ZNF346: variants seen among roughly 807,000 people sequenced by gnomAD.
ZNF346 encodes the protein zinc finger protein 346.
Under a neutral mutation model 33.7 loss-of-function variants are expected in ZNF346, and 23 were observed. The ratio of observed to expected loss-of-function variants is 0.68; its 90% CI spans 0.49 to 0.97. The LOEUF is 0.97. Ranked by LOEUF, ZNF346 falls within the 50% of genes least tolerant of loss-of-function variation. The probability of loss-of-function intolerance (pLI) is 0.00; values close to 1 mark genes in which losing one functional copy is unlikely to be tolerated. For synonymous variants in ZNF346, 134 were observed against 142.4 expected (o/e 0.94, Z 0.42); for missense variants, 340 against 371.1 (o/e 0.92, Z 0.69).
At chr5:177,064,484 C>A (rs752114073) in intron 6 of ZNF346, 28 bp from the exon 7 acceptor site, 20 of 1,589,202 alleles carry the variant, frequency 1.3e-5, no homozygotes, top group Non-Finnish European at 1.6e-5. Flanking sequence ...CACACTGACC[C>A]TCTTCCTTTG....
At chr5:177,039,973 G>A (rs1779120480) in intron 1 of ZNF346, among the ~76,000 whole-genome samples, 1 of 152,024 alleles carries the variant, frequency 6.6e-6, no homozygotes, top group African/African-American at 2.4e-5. Context: ...GAGGTCAGGA[G>A]ATCGAGACCA....
In ZNF346 at chr5:177,041,166, C is replaced by T; in HGVS notation, c.216C>T (p.Asn72=). 3.1e-6 allele frequency: 5 copies of T among 1,614,210 alleles called. No homozygotes were observed. In the South Asian group the frequency reaches 5.5e-5, roughly 18 times the overall value. The part of the protein sequence containing the change: ...MIQKNQCLFT[N]TQCKVCCALL... Reference sequence around the variant, plus strand: ...AGAAGAACCAATGTCTCTTCACCAACACCCAGTGTAAGGTTTGCTGCGCCT... The same window carrying T: ...AGAAGAACCAATGTCTCTTCACCAATACCCAGTGTAAGGTTTGCTGCGCCT... The change falls in exon 2 of 7, where the codon AAC becomes AAT. Residue 72 remains asparagine, a synonymous_variant. Transcript: ENST00000358149.
chr5:177,062,296 A>C (rs1235484587), intron 6 of ZNF346, 145 bp downstream of exon 6: 1 of 670,444 alleles, frequency 1.5e-6, no homozygotes, highest in African/African-American at 1.8e-5. Flanking sequence ...TAACAGGAAC[A>C]AGTGTCTCCT....
rs143189601 is a variant in ZNF346, at chr5:177,064,538, T to C, written c.824T>C (p.Leu275Pro). 7.4e-6 allele frequency: 12 copies of C among 1,614,086 alleles called. No individual in the cohort carries two copies. Among genetic ancestry groups the C allele is most frequent in the Non-Finnish European group, 1.0e-5 (12 of 1,180,022 alleles). Residue 275 changes from leucine (L) to proline (P), a missense_variant, in exon 7 of 7, where the codon CTG (leucine) becomes CCG (proline). Physicochemically the swap from Leu to Pro is moderately conservative, Grantham distance 98. Coordinates refer to ENST00000358149, the MANE Select transcript of ZNF346 (RefSeq NM_012279.4). ...NQSPKTVASS[L>P]GQIPMQRQPI... ...TCACCAAAAACAGTGGCATCATCCCTGGGCCAGATTCCAATGCAAAGGCAA... is the reference window on the plus strand; with the variant it reads ...TCACCAAAAACAGTGGCATCATCCCCGGGCCAGATTCCAATGCAAAGGCAA...
intron 1 of ZNF346, among the ~76,000 whole-genome samples, chr5:177,033,515 GT>G (rs1778025938): frequency 6.6e-6 from 1 of 151,926 alleles, no homozygotes; most frequent in Admixed American, 6.6e-5. Flanking sequence ...GTTTTGTTTT[GT>G]TTTGTTTTTG....
At chr5:177,036,724 T>C (rs889047104) in intron 1 of ZNF346, among the ~76,000 whole-genome samples, 8 of 152,182 alleles carry the variant, frequency 5.3e-5, no homozygotes, top group Non-Finnish European at 1.2e-4. Flanking sequence ...ATCAACAATA[T>C]TGCTACATGT....
intron 1 of ZNF346, among the ~76,000 whole-genome samples, chr5:177,034,226 G>C (rs1778148473): frequency 7.1e-6 from 1 of 140,276 alleles, no homozygotes; most frequent in South Asian, 2.2e-4. Flanking sequence ...TTAATTTTGA[G>C]ACAAGGTCTT....
At chr5:177,059,894 A>T (rs1782246529) in intron 5 of ZNF346, among the ~76,000 whole-genome samples, 1 of 152,228 alleles carries the variant, frequency 6.6e-6, no homozygotes, top group Admixed American at 6.5e-5. Flanking sequence ...AAACAGTTAC[A>T]ACTGTGACAA....
chr5:177,028,352 T>C (rs756186865), intron 1 of ZNF346, among the ~76,000 whole-genome samples: 7 of 151,220 alleles, frequency 4.6e-5, no homozygotes, highest in Admixed American at 1.3e-4. Context: ...TCTTGGTTAG[T>C]CTAGCTAAGA....
intron 1 of ZNF346, among the ~76,000 whole-genome samples, chr5:177,037,800 C>A (rs1456014113): frequency 2.0e-4 from 30 of 152,138 alleles, no homozygotes; most frequent in Admixed American, 1.9e-3. Flanking sequence ...CAAACCAGAT[C>A]TTGTCACCTC....
intron 5 of ZNF346, 100 bp downstream of exon 5, chr5:177,051,036 G>A (rs1188139671): frequency 6.6e-6 from 6 of 914,288 alleles, no homozygotes; most frequent in African/African-American, 3.3e-5. Flanking sequence ...GGTCTTGTAA[G>A]TAGGGTTTGC....
chr5:177,067,631 C>G lies in ZNF346; in HGVS notation c.*3032C>G, dbSNP rs1783288330. 6.6e-6 allele frequency among the ~76,000 whole-genome samples: 1 copy of G among 152,120 alleles called. No individual in the cohort carries two copies. The highest frequency in any genetic ancestry group is 1.5e-5 in the Non-Finnish European group (1 of 68,022). On this transcript the variant is annotated 3_prime_UTR_variant, in exon 7 of 7. Coordinates refer to ENST00000358149, the MANE Select transcript of ZNF346 (RefSeq NM_012279.4). The stretch of plus-strand genomic sequence containing the variant: ...GTGGCCAGCCCTGTTGGTAAAGGGA[C>G]CTAGAGATGAACACTTTCTTGCCCT...
In ZNF346 at chr5:177,040,831, TATC is replaced by T. The variant is rs143484594; in HGVS notation, c.176-292_176-290del. Reference sequence around the variant, plus strand: ...TGGGGAATGCTCCAAGCCTCATTTTTATCATATTTATTTTTATTGGTATCTGCT... The same window carrying T: ...TGGGGAATGCTCCAAGCCTCATTTTTATATTTATTTTTATTGGTATCTGCT... On this transcript the variant is annotated intron_variant, in intron 1 of 6. Coordinates refer to ENST00000358149, the MANE Select transcript of ZNF346 (RefSeq NM_012279.4). Among the ~76,000 whole-genome samples, 3 of 152,354 alleles carry T rather than the reference TATC, an allele frequency of 2.0e-5. No individual in the cohort carries two copies. The East Asian group carries it at 5.8e-4, about 29-fold the overall frequency.
rs899857159 is a variant in ZNF346 at position 177,064,830 on chromosome 5, C to T, written c.*231C>T. 1.8e-5 allele frequency: 9 copies of T among 511,244 alleles called. No individual in the cohort carries two copies. Among genetic ancestry groups the T allele is most frequent in the South Asian group, 8.5e-5 (3 of 35,388 alleles). 31.7% of individuals were successfully genotyped at this position (511,244 alleles called of 1,614,324 possible). On this transcript the variant is annotated 3_prime_UTR_variant, in exon 7 of 7. Coordinates refer to ENST00000358149, the MANE Select transcript of ZNF346 (RefSeq NM_012279.4). ...GGGGAGGCAAGGGTATTGAGAGACT[C>T]GGGGTCTCGCGGGGTGGTAGTTTGG...
intron 5 of ZNF346, chr5:177,053,021 T>G (rs952134716): frequency 1.3e-5 from 2 of 152,032 alleles, no homozygotes; most frequent in African/African-American, 2.4e-5. Flanking sequence ...CTTTTTTTTT[T>G]TTAAGAGGGT....
At chr5:177,046,225 C>T (rs574133166) in intron 4 of ZNF346, among the ~76,000 whole-genome samples, 1 of 150,452 alleles carries the variant, frequency 6.6e-6, no homozygotes, top group Non-Finnish European at 1.5e-5. Flanking sequence ...CGCTTGAACC[C>T]GGGAGCTGGA....
downstream of ZNF346, among the ~76,000 whole-genome samples, chr5:177,070,392 C>T (rs752675427): frequency 5.9e-5 from 9 of 152,106 alleles, no homozygotes; most frequent in Non-Finnish European, 1.3e-4. Context: ...AGCAGGCAAG[C>T]ATATGAGGGA....
intron 5 of ZNF346, among the ~76,000 whole-genome samples, chr5:177,058,451 A>G (rs1253050640): frequency 3.3e-5 from 5 of 152,048 alleles, no homozygotes; most frequent in African/African-American, 4.8e-5. Flanking sequence ...AGCCTGGGCA[A>G]CAAAAGCGAA....
chr5:177,039,930 C>T (rs976402421), intron 1 of ZNF346, among the ~76,000 whole-genome samples: 1 of 151,894 alleles, frequency 6.6e-6, no homozygotes, highest in Admixed American at 6.6e-5. Flanking sequence ...CCTGTAATCC[C>T]AGCACTTTGG....
Sources: gnomAD v4.1 joint callset for allele counts (sites outside exome capture counted in the v4.1 genomes callset) on GRCh38, gnomAD v4.1.1 for gene constraint, MANE v1.5 for transcripts, NCBI Gene and HGNC (gene_info 2026-07-23, HGNC 2026-07-21) for gene names.